The following PLCB4 variants were observed in gnomAD, a reference collection of about 807,000 sequenced individuals.
PLCB4 encodes phospholipase C beta 4, also known as 1-phosphatidylinositol 4,5-bisphosphate phosphodiesterase beta-4.
Under a neutral mutation model 178.8 loss-of-function variants are expected in PLCB4, and 77 were observed. The ratio of observed to expected loss-of-function variants is 0.43; its 90% CI spans 0.36 to 0.52. The LOEUF is 0.52. Among genes scored for constraint, PLCB4 ranks in the 20% least tolerant of loss-of-function variants. The pLI is 0.00. For synonymous variants in PLCB4, 496 were observed against 490.8 expected (o/e 1.01, Z -0.14); for missense variants, 1,024 against 1,453.4 (o/e 0.70, Z 4.80).
At chr20:9,189,907 G>A (rs1434062082) in intron 2 of PLCB4, among the ~76,000 whole-genome samples, 2 of 152,118 alleles carry the variant, frequency 1.3e-5, no homozygotes, top group Non-Finnish European at 2.9e-5. Flanking sequence ...TGTTACACTA[G>A]GGATTAGGTG....
chr20:9,077,600 G>A (rs2089933501), intron 1 of PLCB4, among the ~76,000 whole-genome samples: 1 of 152,196 alleles, frequency 6.6e-6, no homozygotes, highest in Non-Finnish European at 1.5e-5. Context: ...AGGGGCTAAT[G>A]TAAAAACTCT....
At chr20:9,155,808 G>A (rs1025186420) in intron 2 of PLCB4, among the ~76,000 whole-genome samples, 1 of 152,158 alleles carries the variant, frequency 6.6e-6, no homozygotes, top group Non-Finnish European at 1.5e-5. Context: ...CTCCCAGGGA[G>A]TAAGACATGT....
chr20:9,381,448 C>T (rs2037135043), intron 13 of PLCB4, among the ~76,000 whole-genome samples: 1 of 152,144 alleles, frequency 6.6e-6, no homozygotes. Flanking sequence ...GCTAGGAATT[C>T]AAAACAATAA....
intron 2 of PLCB4, among the ~76,000 whole-genome samples, chr20:9,133,602 C>T (rs936192075): frequency 4.6e-5 from 7 of 152,140 alleles, no homozygotes; most frequent in African/African-American, 7.2e-5. Context: ...TCCCTACAAG[C>T]TTGTGAGTTC....
chr20:9,478,091 T>A, intron 39 of PLCB4, among the ~76,000 whole-genome samples: 1 of 152,190 alleles, frequency 6.6e-6, no homozygotes, highest in East Asian at 1.9e-4. Context: ...TTGGGCAAAA[T>A]CATCCAGGCT....
intron 30 of PLCB4, among the ~76,000 whole-genome samples, chr20:9,439,697 A>G (rs2041995197): frequency 6.6e-6 from 1 of 152,178 alleles, no homozygotes; most frequent in Non-Finnish European, 1.5e-5. Flanking sequence ...TACTAAGTTG[A>G]TGTAGCTTGA....
At chr20:9,238,968 C>A (rs2094025083) in intron 3 of PLCB4, among the ~76,000 whole-genome samples, 1 of 152,236 alleles carries the variant, frequency 6.6e-6, no homozygotes, top group South Asian at 2.1e-4. Flanking sequence ...TTGCTGTAAT[C>A]TAAGTTAAAT....
chr20:9,432,453 G>A (rs73250482), intron 28 of PLCB4, among the ~76,000 whole-genome samples: 5,609 of 152,264 alleles, frequency 0.037, 335 homozygotes, highest in African/African-American at 0.13. Flanking sequence ...CCAGTCCTGT[G>A]TGTTATCACT....
intron 2 of PLCB4, among the ~76,000 whole-genome samples, chr20:9,199,839 C>T (rs2093520092): frequency 6.7e-6 from 1 of 149,572 alleles, no homozygotes; most frequent in African/African-American, 2.5e-5. Context: ...CTTATCTCTT[C>T]CTGCATGTTG....
At chr20:9,233,937 G>A (rs1362835138) in intron 3 of PLCB4, among the ~76,000 whole-genome samples, 2 of 152,076 alleles carry the variant, frequency 1.3e-5, no homozygotes, top group Non-Finnish European at 2.9e-5. Context: ...AAATGAATTG[G>A]GAGTGTACAG....
chr20:9,142,607 ATGT>A (rs770697179), intron 2 of PLCB4, among the ~76,000 whole-genome samples: 3 of 152,146 alleles, frequency 2.0e-5, no homozygotes, highest in African/African-American at 7.2e-5. Context: ...ACAGTAAATT[ATGT>A]TGTTCTACAT....
intron 15 of PLCB4, among the ~76,000 whole-genome samples, chr20:9,388,350 G>A (rs1158551396): frequency 2.0e-5 from 3 of 152,194 alleles, no homozygotes; most frequent in African/African-American, 7.2e-5. Flanking sequence ...TATAACTCAG[G>A]ATAGATATTA....
chr20:9,401,707 T>A, intron 20 of PLCB4, 117 bp downstream of exon 20: 1 of 686,998 alleles, frequency 1.5e-6, no homozygotes, highest in Non-Finnish European at 2.6e-6. Context: ...TCTAAATTGC[T>A]TAGGATACGA....
intron 25 of PLCB4, among the ~76,000 whole-genome samples, chr20:9,416,620 T>C (rs978952470): frequency 6.6e-6 from 1 of 152,202 alleles, no homozygotes; most frequent in African/African-American, 2.4e-5. Flanking sequence ...TTTTGCTGTA[T>C]CATCATATTT....
At chr20:9,422,343 T>C (rs918133062) in intron 27 of PLCB4, among the ~76,000 whole-genome samples, 1 of 152,204 alleles carries the variant, frequency 6.6e-6, no homozygotes, top group Non-Finnish European at 1.5e-5. Context: ...AAACAGGCCA[T>C]TTTGACATTT....
chr20:9,143,143 T>C (rs906548126), intron 2 of PLCB4, among the ~76,000 whole-genome samples: 4 of 152,098 alleles, frequency 2.6e-5, no homozygotes, highest in Non-Finnish European at 5.9e-5. Flanking sequence ...CTTGTACCTG[T>C]CCCTTTCCTT....
At chr20:9,225,219 A>T (rs1483934619) in intron 3 of PLCB4, among the ~76,000 whole-genome samples, 4 of 152,232 alleles carry the variant, frequency 2.6e-5, no homozygotes, top group Admixed American at 2.0e-4. Flanking sequence ...CTGTATAAAT[A>T]TACATAATAT....
chr20:9,101,872 T>G (rs2091168802), intron 2 of PLCB4, among the ~76,000 whole-genome samples: 2 of 148,068 alleles, frequency 1.4e-5, no homozygotes, highest in African/African-American at 2.5e-5. Flanking sequence ...TGAGATGGAG[T>G]TTTGCTCTGT....
chr20:9,150,620 A>G (rs1370494999), intron 2 of PLCB4, among the ~76,000 whole-genome samples: 1 of 152,088 alleles, frequency 6.6e-6, no homozygotes, highest in Non-Finnish European at 1.5e-5. Context: ...AGTTCTCAGG[A>G]TGACTCTAAG....
Sources: gnomAD v4.1 joint callset for allele counts (sites outside exome capture counted in the v4.1 genomes callset) on GRCh38, gnomAD v4.1.1 for gene constraint, MANE v1.5 for transcripts, NCBI Gene and HGNC (gene_info 2026-07-23, HGNC 2026-07-21) for gene names.